PREX2: variants seen among roughly 807,000 people sequenced by gnomAD.
PREX2 encodes phosphatidylinositol 3,4,5-trisphosphate-dependent Rac exchanger 2 protein.
PREX2 carries 107 observed loss-of-function variants against 203.2 expected under a neutral mutation model. The ratio of observed to expected loss-of-function variants is 0.53; its 90% CI spans 0.45 to 0.62. PREX2 has a LOEUF of 0.62. PREX2 is among the 20% of genes least tolerant of loss of function. PREX2 has a pLI of 0.00. For synonymous variants in PREX2, 672 were observed against 663.6 expected (o/e 1.01, Z -0.19); for missense variants, 1,777 against 1,955.9 (o/e 0.91, Z 1.72).
chr8:67,988,037 G>A lies in PREX2; in HGVS notation c.142-29809G>A, dbSNP rs188973215. Among the ~76,000 whole-genome samples, 45 of 152,234 alleles carry A rather than the reference G, an allele frequency of 3.0e-4. 1 individual carries two copies. In the Middle Eastern group the frequency reaches 0.017, roughly 58 times the overall value. On this transcript the variant is annotated intron_variant, in intron 1 of 39. Transcript: ENST00000288368. The stretch of plus-strand genomic sequence containing the variant: ...AGTGTGAATAACCCGTTTCATTTTT[G>A]TTCCCTCGCAAAATGAATGCCTCAT...
intron 6 of PREX2, among the ~76,000 whole-genome samples, chr8:68,035,353 G>C (rs1279220470): frequency 6.6e-6 from 1 of 152,204 alleles, no homozygotes; most frequent in East Asian, 1.9e-4. Context: ...TTCTTCCACT[G>C]TGAATGCATC....
intron 31 of PREX2, among the ~76,000 whole-genome samples, chr8:68,129,738 G>A (rs1810963938): frequency 6.6e-6 from 1 of 152,078 alleles, no homozygotes; most frequent in Non-Finnish European, 1.5e-5. Flanking sequence ...TAGAAGATGA[G>A]TTTAAATAGG....
intron 35 of PREX2, among the ~76,000 whole-genome samples, chr8:68,163,926 C>T (rs1811700817): frequency 6.6e-6 from 1 of 152,174 alleles, no homozygotes; most frequent in South Asian, 2.1e-4. Flanking sequence ...TCATCACATA[C>T]ACCAAGGTCA....
At chr8:67,985,063 G>A (rs1806378358) in intron 1 of PREX2, among the ~76,000 whole-genome samples, 2 of 151,860 alleles carry the variant, frequency 1.3e-5, no homozygotes, top group Admixed American at 1.3e-4. Flanking sequence ...AGAGCAACAT[G>A]ACATAGAAGC....
intron 1 of PREX2, among the ~76,000 whole-genome samples, chr8:67,965,989 T>A (rs1432501349): frequency 6.6e-6 from 1 of 152,222 alleles, no homozygotes; most frequent in Non-Finnish European, 1.5e-5. Flanking sequence ...ATTAAATGTT[T>A]TGAGGGTAGC....
At chr8:68,170,428 TC>T (rs1012478632) in intron 35 of PREX2, among the ~76,000 whole-genome samples, 7 of 152,222 alleles carry the variant, frequency 4.6e-5, no homozygotes, top group Non-Finnish European at 1.5e-5. Context: ...CTGACCATTT[TC>T]CCCCGGTCTC....
chr8:68,075,847 A>G (rs986670411), intron 14 of PREX2, among the ~76,000 whole-genome samples: 5 of 152,170 alleles, frequency 3.3e-5, no homozygotes, highest in Non-Finnish European at 7.4e-5. Context: ...TTGTCACAGC[A>G]TGAGGTAGGA....
chr8:68,054,871 T>C (rs1430105445), intron 9 of PREX2, among the ~76,000 whole-genome samples: 1 of 152,230 alleles, frequency 6.6e-6, no homozygotes, highest in Non-Finnish European at 1.5e-5. Flanking sequence ...CCTCCCTGCT[T>C]CCATTCAGTC....
chr8:67,975,861 GC>G (rs1806066816), intron 1 of PREX2, among the ~76,000 whole-genome samples: 1 of 144,678 alleles, frequency 6.9e-6, no homozygotes, highest in Admixed American at 7.1e-5. Flanking sequence ...GTGCCACCAT[GC>G]CCGGCTAATT....
At chr8:68,051,944 T>C (rs575839996) in intron 8 of PREX2, among the ~76,000 whole-genome samples, 18 of 152,248 alleles carry the variant, frequency 1.2e-4, no homozygotes, top group South Asian at 2.1e-4. Context: ...CATTTGATAA[T>C]GGATTTGTGG....
chr8:68,185,546 A>G (rs546244526), intron 35 of PREX2, among the ~76,000 whole-genome samples: 4 of 152,174 alleles, frequency 2.6e-5, no homozygotes, highest in Non-Finnish European at 4.4e-5. Context: ...AATTTCACCT[A>G]TCACTTCCCT....
chr8:68,224,748 A>G, intron 39 of PREX2, 122 bp downstream of exon 39: 1 of 685,792 alleles, frequency 1.5e-6, no homozygotes, highest in Non-Finnish European at 2.5e-6. Context: ...GTAATTACGG[A>G]GATTGCCCTT....
intron 37 of PREX2, among the ~76,000 whole-genome samples, chr8:68,197,718 CTATGCTATATATACATAATATA>C: frequency 6.8e-6 from 1 of 147,080 alleles, no homozygotes; most frequent in Admixed American, 6.8e-5. Flanking sequence ...TATATATAAT[CTATGCTATATATACATAATATA>C]TATGCTATAT....
At position 68,125,676 on chromosome 8, in the gene PREX2, A is replaced by G. The variant is rs142049221; in HGVS notation, c.3725-1702A>G. On this transcript the variant is annotated intron_variant, in intron 30 of 39. Coordinates refer to ENST00000288368, the MANE Select transcript of PREX2 (RefSeq NM_024870.4). ...GAGATTTTTATTTGAGTAGCCCACC[A>G]TCACCTTAAATTCAGATGTTTATTA... is the stretch of plus-strand genomic sequence containing the variant. Among the ~76,000 whole-genome samples the G allele has an allele frequency of 2.2e-4, 34 of 152,256 alleles. No individual in the cohort carries two copies. The East Asian group carries it at 6.4e-3, about 28-fold the overall frequency.
chr8:68,151,154 C>T lies in PREX2; in HGVS notation c.4231+4802C>T, dbSNP rs990446320. The stretch of plus-strand genomic sequence containing the variant: ...ATAAGGTCAGGGCTGAATGTGATGG[C>T]TCACACTTGTAATCCCAGAACTTTC... On this transcript the variant is annotated intron_variant, in intron 34 of 39. Transcript: ENST00000288368. 3.3e-5 allele frequency among the ~76,000 whole-genome samples: 5 copies of T among 151,992 alleles called. No individual in the cohort carries two copies. In the East Asian group the frequency reaches 5.8e-4, roughly 18 times the overall value.
chr8:67,998,190 C>G (rs1263768020), intron 1 of PREX2, among the ~76,000 whole-genome samples: 2 of 152,186 alleles, frequency 1.3e-5, no homozygotes, highest in African/African-American at 4.8e-5. Flanking sequence ...TAGTCCCATC[C>G]TGGCTTTCTA....
At chr8:68,186,043 A>G (rs1186642438) in intron 35 of PREX2, among the ~76,000 whole-genome samples, 1 of 123,192 alleles carries the variant, frequency 8.1e-6, no homozygotes, top group Non-Finnish European at 1.8e-5. Context: ...AGTGCTTTGG[A>G]TATTTATGTC....
Position 68,055,911 on chromosome 8 carries a change from A to G in PREX2, c.1175A>G (p.Gln392Arg). Residue 392 changes from glutamine to arginine, a missense_variant, in exon 10 of 40, where the codon CAA (glutamine) becomes CGA (arginine). By Grantham distance (43) the Gln-to-Arg change is conservative. Transcript: ENST00000288368. ...GEKLYKMMCR[Q>R]GNLIKDRKRK... The stretch of plus-strand genomic sequence containing the variant: ...AAACTTTATAAAATGATGTGCAGAC[A>G]AGGAAATCTGATCAAAGACCGAAAG... 1 of 1,613,304 alleles carries G rather than the reference A, an allele frequency of 6.2e-7. No individual in the cohort carries two copies. Among genetic ancestry groups the G allele is most frequent in the East Asian group, 2.2e-5 (1 of 44,874 alleles).
chr8:68,213,884 T>G (rs530855936), intron 37 of PREX2, among the ~76,000 whole-genome samples: 2 of 152,178 alleles, frequency 1.3e-5, no homozygotes, highest in Admixed American at 6.5e-5. Context: ...ACAATTGCCT[T>G]TTTATGAAGG....
Sources: gnomAD v4.1 joint callset for allele counts (sites outside exome capture counted in the v4.1 genomes callset) on GRCh38, gnomAD v4.1.1 for gene constraint, MANE v1.5 for transcripts, NCBI Gene and HGNC (gene_info 2026-07-23, HGNC 2026-07-21) for gene names.